PDE1A: variants seen among roughly 807,000 people sequenced by gnomAD.
PDE1A encodes dual specificity calcium/calmodulin-dependent 3',5'-cyclic nucleotide phosphodiesterase 1A.
PDE1A carries 35 observed loss-of-function variants against 61.7 expected under a neutral mutation model. That is an observed-to-expected ratio of 0.57 (90% CI 0.43 to 0.75). The LOEUF (loss-of-function observed/expected upper bound fraction) is 0.75, where lower values mean the gene tolerates loss of function less well. Ranked by LOEUF, PDE1A falls within the 30% of genes least tolerant of loss-of-function variation. The probability of loss-of-function intolerance (pLI) is 0.00; values close to 1 mark genes in which losing one functional copy is unlikely to be tolerated. For missense variants in PDE1A, 597 were observed against 630.6 expected, an observed-to-expected ratio of 0.95 and a Z score of 0.57; for synonymous variants, 232 against 213.2, an observed-to-expected ratio of 1.09 and a Z score of -0.77.
the PDE1A span, among the ~76,000 whole-genome samples, chr2:182,552,417 T>A: frequency 6.6e-6 from 1 of 151,988 alleles, no homozygotes; most frequent in African/African-American, 2.4e-5. Context: ...GGCAATTGTT[T>A]GTAAAACAAA....
chr2:182,639,341 G>T, the PDE1A span, among the ~76,000 whole-genome samples: 3 of 152,148 alleles, frequency 2.0e-5, no homozygotes, highest in Non-Finnish European at 4.4e-5. Flanking sequence ...GCCAAGTGAG[G>T]CAGATCTCTT....
At chr2:182,465,130 G>T (rs115521749) in intron 2 of PDE1A, among the ~76,000 whole-genome samples, 1 of 151,974 alleles carries the variant, frequency 6.6e-6, no homozygotes, top group African/African-American at 2.4e-5. Context: ...GATGGCTAGC[G>T]AAAGGAACAG....
At chr2:182,631,303 A>C in the PDE1A span, among the ~76,000 whole-genome samples, 1 of 151,776 alleles carries the variant, frequency 6.6e-6, no homozygotes, top group Non-Finnish European at 1.5e-5. Context: ...TTAATTAATT[A>C]ATTTATTCAT....
chr2:182,622,367 C>T, the PDE1A span, among the ~76,000 whole-genome samples: 2 of 152,090 alleles, frequency 1.3e-5, no homozygotes, highest in Non-Finnish European at 2.9e-5. Context: ...AAATGTGCAG[C>T]CAGTGCTGAG....
chr2:182,436,667 G>A (rs1400881490), intron 2 of PDE1A, among the ~76,000 whole-genome samples: 1 of 151,990 alleles, frequency 6.6e-6, no homozygotes, highest in Non-Finnish European at 1.5e-5. Flanking sequence ...GTCATTAACT[G>A]TGTCAGGTAC....
chr2:182,557,350 C>T, the PDE1A span, among the ~76,000 whole-genome samples: 1 of 152,116 alleles, frequency 6.6e-6, no homozygotes, highest in East Asian at 1.9e-4. Flanking sequence ...ATTGTCTGAA[C>T]ATAATTTCTC....
chr2:182,700,134 C>T, the PDE1A span, among the ~76,000 whole-genome samples: 3 of 152,146 alleles, frequency 2.0e-5, no homozygotes, highest in Admixed American at 6.5e-5. Flanking sequence ...AATACAAGTG[C>T]TTTCATAGTA....
intron 7 of PDE1A, among the ~76,000 whole-genome samples, chr2:182,209,352 T>C (rs1394187397): frequency 6.6e-6 from 1 of 151,920 alleles, no homozygotes; most frequent in African/African-American, 2.4e-5. Flanking sequence ...ACCACCCCCA[T>C]GATTCAATTA....
the PDE1A span, among the ~76,000 whole-genome samples, chr2:182,575,412 G>C: frequency 2.6e-5 from 4 of 151,924 alleles, no homozygotes; most frequent in East Asian, 7.9e-4. Flanking sequence ...AGCCCAAAGT[G>C]TCCAGGTGGC....
chr2:182,592,317 G>T, the PDE1A span, among the ~76,000 whole-genome samples: 7 of 152,174 alleles, frequency 4.6e-5, no homozygotes, highest in African/African-American at 7.2e-5. Flanking sequence ...CAACAAAAAT[G>T]ATTTTGCTCA....
intron 13 of PDE1A, among the ~76,000 whole-genome samples, chr2:182,179,975 C>T (rs903375212): frequency 3.3e-5 from 5 of 152,150 alleles, no homozygotes; most frequent in Non-Finnish European, 7.4e-5. Flanking sequence ...ATCTGGAATT[C>T]TCTTCAAAGC....
chr2:182,416,436 G>A (rs1316073182), intron 1 of PDE1A, among the ~76,000 whole-genome samples: 2 of 152,030 alleles, frequency 1.3e-5, no homozygotes, highest in Non-Finnish European at 2.9e-5. Context: ...ATGTGACATC[G>A]TTCATCCTCT....
chr2:182,276,372 CAAAA>C (rs1254221891), intron 1 of PDE1A, among the ~76,000 whole-genome samples: 1 of 152,004 alleles, frequency 6.6e-6, no homozygotes, highest in Non-Finnish European at 1.5e-5. Flanking sequence ...TATCAGTTCC[CAAAA>C]TTAATACTTT....
At chr2:182,398,940 T>A (rs76899833) in intron 1 of PDE1A, among the ~76,000 whole-genome samples, 5,885 of 152,134 alleles carry the variant, frequency 0.039, 139 homozygotes, top group Middle Eastern at 0.071. Flanking sequence ...TAGTTCTTGG[T>A]AAACTACCAA....
rs374604913 is a variant in PDE1A at position 182,293,812 on chromosome 2, A to T, written c.54-29398T>A. ...TTGTACTGTACTTATCCTTCTTATG[A>T]TGATGCGAGATGATAAAATGCCTAC... On this transcript the variant is annotated intron_variant, in intron 1 of 13. Coordinates refer to ENST00000351439, the Ensembl canonical transcript of PDE1A. Among the ~76,000 whole-genome samples the T allele has an allele frequency of 2.0e-5, 3 of 152,252 alleles. No individual in the cohort carries two copies. In the South Asian group the frequency reaches 6.2e-4, roughly 32 times the overall value.
At chr2:182,333,907 AATC>A (rs902940585) in intron 1 of PDE1A, among the ~76,000 whole-genome samples, 13 of 152,146 alleles carry the variant, frequency 8.5e-5, no homozygotes, top group African/African-American at 3.1e-4. Flanking sequence ...TATCATCACT[AATC>A]CCACAGAAAT....
intron 2 of PDE1A, among the ~76,000 whole-genome samples, chr2:182,517,273 G>A (rs1029263400): frequency 6.6e-6 from 1 of 152,290 alleles, no homozygotes; most frequent in South Asian, 2.1e-4. Flanking sequence ...ATACAAATAT[G>A]TTATATCTGC....
At position 182,472,729 on chromosome 2, in the gene PDE1A, C is replaced by A. The variant is rs1687107012; in HGVS notation, c.101+49547G>T. Among the ~76,000 whole-genome samples, 3 of 151,500 alleles carry A rather than the reference C, an allele frequency of 2.0e-5. No individual in the cohort carries two copies. In the Admixed American group the frequency reaches 2.0e-4, roughly 10 times the overall value. On this transcript the variant is annotated intron_variant, in intron 2 of 14. Transcript: ENST00000410103. ...ATACAAATAAAAAAGCTCATTTCCA[C>A]ATAATCAACTCTAGCTCAACTGCTA... is the stretch of plus-strand genomic sequence containing the variant.
chr2:182,703,588 T>C, the PDE1A span, among the ~76,000 whole-genome samples: 1 of 152,154 alleles, frequency 6.6e-6, no homozygotes, highest in Non-Finnish European at 1.5e-5. Context: ...AGAAAAAATG[T>C]CATAAATGGA....
Sources: gnomAD v4.1 joint callset for allele counts (sites outside exome capture counted in the v4.1 genomes callset) on GRCh38, gnomAD v4.1.1 for gene constraint, MANE v1.5 for transcripts, NCBI Gene and HGNC (gene_info 2026-07-23, HGNC 2026-07-21) for gene names.